CFAP77: variants seen among roughly 807,000 people sequenced by gnomAD.
CFAP77 encodes cilia and flagella associated protein 77.
Under a neutral mutation model 31.1 loss-of-function variants are expected in CFAP77, and 25 were observed. The ratio of observed to expected loss-of-function variants is 0.80; its 90% CI spans 0.59 to 1.12. CFAP77 has a LOEUF of 1.12. Ranked by LOEUF, CFAP77 falls within the 50% of genes most tolerant of loss-of-function variation. The pLI is 0.00. For synonymous variants in CFAP77, 151 were observed against 159.9 expected, an observed-to-expected ratio of 0.94 and a Z score of 0.42; for missense variants, 377 against 397.3, an observed-to-expected ratio of 0.95 and a Z score of 0.44.
At chr9:132,437,578 C>T (rs969943662) in intron 1 of CFAP77, among the ~76,000 whole-genome samples, 2 of 144,680 alleles carry the variant, frequency 1.4e-5, no homozygotes, top group African/African-American at 2.6e-5. Context: ...GACGCGATCT[C>T]GGCTCTCTGC....
chr9:132,428,866 G>C (rs1850358752), intron 1 of CFAP77, among the ~76,000 whole-genome samples: 1 of 152,062 alleles, frequency 6.6e-6, no homozygotes, highest in Non-Finnish European at 1.5e-5. Flanking sequence ...GTGTTGGTCA[G>C]GGTCCCACCA....
intron 1 of CFAP77, among the ~76,000 whole-genome samples, chr9:132,486,022 A>ATATGTATATGTATGTGTGTGTG (rs1317819696): frequency 1.5e-4 from 4 of 25,868 alleles, no homozygotes; most frequent in African/African-American, 1.3e-3. Context: ...ATATATATAT[A>ATATGTATATGTATGTGTGTGTG]TATATATATA....
intron 1 of CFAP77, among the ~76,000 whole-genome samples, chr9:132,461,285 C>T (rs997621135): frequency 2.6e-5 from 4 of 152,132 alleles, no homozygotes; most frequent in East Asian, 1.9e-4. Flanking sequence ...ACAAAACCCA[C>T]GCATTGGACG....
intron 1 of CFAP77, among the ~76,000 whole-genome samples, chr9:132,494,538 G>A (rs557678538): frequency 3.9e-4 from 60 of 152,328 alleles, no homozygotes; most frequent in African/African-American, 1.4e-3. Flanking sequence ...GAATTGAGCT[G>A]CTATGTGCAT....
rs1851779081 is a variant in CFAP77, at chr9:132,498,335, G to A, written c.196-360G>A. Among the ~76,000 whole-genome samples the A allele has an allele frequency of 6.6e-6, 1 of 152,098 alleles. No homozygotes were observed. The highest frequency in any genetic ancestry group is 2.1e-4 in the South Asian group (1 of 4,830). ...CCTCCAGATGAGGCCTCCTGAACTG[G>A]GTCCTGCATTTCCAGCTTGAGCCAG... On this transcript the variant is annotated intron_variant, in intron 1 of 5. Transcript: ENST00000393216. This position sits in a 1 kb window ranked among gnomAD's most constrained non-coding sequence, Gnocchi z 4.2.
intron 3 of CFAP77, among the ~76,000 whole-genome samples, chr9:132,502,835 G>GGGATCA (rs1851875196): frequency 6.6e-6 from 1 of 152,198 alleles, no homozygotes; most frequent in South Asian, 2.1e-4. Context: ...GTGGGATTGC[G>GGGATCA]GGATCAGGTG....
intron 3 of CFAP77, among the ~76,000 whole-genome samples, chr9:132,516,201 T>G (rs899117521): frequency 1.3e-5 from 2 of 152,316 alleles, no homozygotes; most frequent in African/African-American, 4.8e-5. Flanking sequence ...AATCTTCTGA[T>G]TTTTAAAAAA....
At chr9:132,436,394 A>C (rs1850504519) in intron 1 of CFAP77, among the ~76,000 whole-genome samples, 1 of 152,146 alleles carries the variant, frequency 6.6e-6, no homozygotes, top group Non-Finnish European at 1.5e-5. Flanking sequence ...ATCTCATCTC[A>C]AGATTCTTAA....
intron 3 of CFAP77, among the ~76,000 whole-genome samples, chr9:132,504,752 G>A (rs113879876): frequency 2.6e-5 from 4 of 151,968 alleles, no homozygotes; most frequent in African/African-American, 9.7e-5. Flanking sequence ...AATGGCTTCT[G>A]GAAAAGCTTT....
At chr9:132,477,899 G>C (rs1851378041) in intron 1 of CFAP77, among the ~76,000 whole-genome samples, 1 of 152,158 alleles carries the variant, frequency 6.6e-6, no homozygotes, top group African/African-American at 2.4e-5. Context: ...GGGCAGCGGG[G>C]CCCTGCCACA....
chr9:132,559,813 G>T (rs1852965512), intron 5 of CFAP77, among the ~76,000 whole-genome samples: 1 of 152,210 alleles, frequency 6.6e-6, no homozygotes, highest in Admixed American at 6.5e-5. Context: ...CAAAAATGTG[G>T]TCCATCCATA....
intron 5 of CFAP77, among the ~76,000 whole-genome samples, chr9:132,550,551 G>T (rs1055704659): frequency 1.4e-5 from 2 of 145,458 alleles, no homozygotes; most frequent in African/African-American, 5.2e-5. Flanking sequence ...TTGAGACAGG[G>T]TCTCACTCTG....
chr9:132,570,655 A>G (rs796370838), intron 5 of CFAP77, among the ~76,000 whole-genome samples: 2 of 152,326 alleles, frequency 1.3e-5, no homozygotes, highest in African/African-American at 4.8e-5. Context: ...CAAGGGGTCC[A>G]CATCCGCTAG....
intron 5 of CFAP77, among the ~76,000 whole-genome samples, chr9:132,547,434 A>AG (rs1852750673): frequency 6.6e-6 from 1 of 152,240 alleles, no homozygotes; most frequent in South Asian, 2.1e-4. Context: ...TGGCAGCTCC[A>AG]TGAGGATGGC....
intron 4 of CFAP77, among the ~76,000 whole-genome samples, chr9:132,540,035 G>C (rs1852613239): frequency 6.6e-6 from 1 of 152,144 alleles, no homozygotes; most frequent in African/African-American, 2.4e-5. Flanking sequence ...GGGTTCAAGT[G>C]ATTCTCCAGC....
intron 3 of CFAP77, among the ~76,000 whole-genome samples, chr9:132,505,322 C>G (rs898654282): frequency 2.0e-5 from 3 of 152,188 alleles, no homozygotes; most frequent in Non-Finnish European, 4.4e-5. Flanking sequence ...GATGCAAAGC[C>G]GAATTTAGAT....
At chr9:132,534,942 C>A (rs1210540993) in intron 3 of CFAP77, among the ~76,000 whole-genome samples, 1 of 152,176 alleles carries the variant, frequency 6.6e-6, no homozygotes, top group Non-Finnish European at 1.5e-5. Flanking sequence ...CCTCTGACAG[C>A]CTTCTTGCTT....
chr9:132,541,925 G>C (rs1288285945), intron 4 of CFAP77, among the ~76,000 whole-genome samples: 1 of 152,202 alleles, frequency 6.6e-6, no homozygotes, highest in Non-Finnish European at 1.5e-5. Flanking sequence ...CCCCGCCCTT[G>C]GAAGACAGTT....
At chr9:132,530,108 T>C (rs1287574724) in intron 3 of CFAP77, among the ~76,000 whole-genome samples, 1 of 151,294 alleles carries the variant, frequency 6.6e-6, no homozygotes, top group Non-Finnish European at 1.5e-5. Flanking sequence ...TCTCTTCATG[T>C]CTTTTGCCTC....
Sources: gnomAD v4.1 joint callset for allele counts (sites outside exome capture counted in the v4.1 genomes callset) on GRCh38, gnomAD v4.1.1 for gene constraint, Gnocchi (gnomAD v3.1) non-coding constraint, MANE v1.5 for transcripts, NCBI Gene and HGNC (gene_info 2026-07-23, HGNC 2026-07-21) for gene names.